The following PAK1 variants were observed in gnomAD, a reference collection of about 807,000 sequenced individuals.
PAK1 encodes the protein serine/threonine-protein kinase PAK 1.
Under a neutral mutation model 67.4 loss-of-function variants are expected in PAK1, and 29 were observed. That is an observed-to-expected ratio of 0.43 (90% CI 0.32 to 0.59). The LOEUF (loss-of-function observed/expected upper bound fraction) is 0.59, where lower values mean the gene tolerates loss of function less well. PAK1 is among the 20% of genes least tolerant of loss of function. The probability of loss-of-function intolerance (pLI) is 0.07; values close to 1 mark genes in which losing one functional copy is unlikely to be tolerated. For missense variants in PAK1, 337 were observed against 670.7 expected (o/e 0.50, Z 5.50); for synonymous variants, 223 against 237.4 (o/e 0.94, Z 0.56).
At chr11:77,397,521 G>A (rs1042579971) in intron 1 of PAK1, among the ~76,000 whole-genome samples, 1 of 152,170 alleles carries the variant, frequency 6.6e-6, no homozygotes, top group African/African-American at 2.4e-5. Flanking sequence ...GAGGGGAAGT[G>A]ATTTGTGCCT....
chr11:77,467,009 C>A (rs987219416), intron 1 of PAK1, among the ~76,000 whole-genome samples: 1 of 152,144 alleles, frequency 6.6e-6, no homozygotes, highest in Non-Finnish European at 1.5e-5. Context: ...ATCATCTGGG[C>A]CCTGCCTCCT....
At chr11:77,340,401 T>C (rs1275925022) in intron 11 of PAK1, among the ~76,000 whole-genome samples, 1 of 152,216 alleles carries the variant, frequency 6.6e-6, no homozygotes, top group African/African-American at 2.4e-5. Flanking sequence ...AGTGACTTTT[T>C]ACAATATATA....
intron 5 of PAK1, among the ~76,000 whole-genome samples, chr11:77,363,855 T>G (rs1028401907): frequency 1.3e-5 from 2 of 152,188 alleles, no homozygotes; most frequent in African/African-American, 4.8e-5. Flanking sequence ...CTCCTGAACT[T>G]TGGGTTAAAA....
chr11:77,394,132 C>T (rs185996678), intron 1 of PAK1, among the ~76,000 whole-genome samples: 1 of 152,162 alleles, frequency 6.6e-6, no homozygotes, highest in East Asian at 1.9e-4. Context: ...AAATATTGCT[C>T]ATTAGTCTTC....
At chr11:77,501,927 A>T in the PAK1 span, among the ~76,000 whole-genome samples, 1 of 134,384 alleles carries the variant, frequency 7.4e-6, no homozygotes, top group Non-Finnish European at 1.7e-5. Flanking sequence ...CTTCCTTTTC[A>T]GAAGCAATAA....
chr11:77,365,561 G>A (rs565400680), intron 5 of PAK1, among the ~76,000 whole-genome samples: 23 of 152,178 alleles, frequency 1.5e-4, no homozygotes, highest in African/African-American at 5.3e-4. Context: ...GGCTGGGAGC[G>A]GTGGCTCATG....
rs1250600874 is a variant in PAK1 at position 77,417,825 on chromosome 11, C to A, written c.-21-25284G>T. ...TCCTGGCTCACTGCAACCTCCACCT[C>A]CCCGGTTCAAGCAATCCTCGTGCCT... On this transcript the variant is annotated intron_variant, in intron 1 of 14. Coordinates refer to ENST00000356341, the MANE Select transcript of PAK1 (RefSeq NM_002576.5). Among the ~76,000 whole-genome samples the A allele has an allele frequency of 3.3e-5, 5 of 151,904 alleles. No individual in the cohort carries two copies. The East Asian group carries it at 5.8e-4, about 18-fold the overall frequency.
chr11:77,336,310 A>C (rs1942675402), intron 12 of PAK1, 28 bp from the exon 13 acceptor site: 1 of 1,560,334 alleles, frequency 6.4e-7, no homozygotes, highest in African/African-American at 1.4e-5. Flanking sequence ...GAGAAAGAAC[A>C]TACATTTAGG....
chr11:77,327,396 T>A (rs370448100), intron 14 of PAK1, among the ~76,000 whole-genome samples: 1,893 of 152,338 alleles, frequency 0.012, 10 homozygotes, highest in Middle Eastern at 0.017. Context: ...AAGGTCGGGT[T>A]ACCCACAAAG....
At chr11:77,368,862 G>T (rs1322167051) in intron 5 of PAK1, among the ~76,000 whole-genome samples, 1 of 151,956 alleles carries the variant, frequency 6.6e-6, no homozygotes, top group African/African-American at 2.4e-5. Context: ...GCGCCTGGCC[G>T]GTAAAAATAC....
chr11:77,499,612 G>A, the PAK1 span, among the ~76,000 whole-genome samples: 2 of 152,082 alleles, frequency 1.3e-5, no homozygotes, highest in Non-Finnish European at 2.9e-5. Context: ...AACTTTAGAG[G>A]AAGTAGGTAC....
chr11:77,434,494 T>C (rs996352405), intron 1 of PAK1, among the ~76,000 whole-genome samples: 16 of 152,040 alleles, frequency 1.1e-4, no homozygotes, highest in African/African-American at 3.4e-4. Context: ...ACCCCCAGGC[T>C]GGAGAGCAGT....
At chr11:77,378,283 T>C (rs970638783) in intron 4 of PAK1, among the ~76,000 whole-genome samples, 2 of 152,154 alleles carry the variant, frequency 1.3e-5, no homozygotes, top group African/African-American at 2.4e-5. Flanking sequence ...TAGGGGCAAG[T>C]AGTAAATTCA....
At chr11:77,438,219 G>A (rs1471652496) in intron 1 of PAK1, among the ~76,000 whole-genome samples, 1 of 152,098 alleles carries the variant, frequency 6.6e-6, no homozygotes, top group Non-Finnish European at 1.5e-5. Flanking sequence ...CAGAGCAGGA[G>A]CAAGAGAGAG....
chr11:77,451,030 GA>G (rs1205795059), intron 1 of PAK1, among the ~76,000 whole-genome samples: 1 of 152,182 alleles, frequency 6.6e-6, no homozygotes, highest in Non-Finnish European at 1.5e-5. Flanking sequence ...CACAGAACAA[GA>G]AGTTCTGATG....
chr11:77,335,936 TG>T (rs1232325356), intron 13 of PAK1, 149 bp downstream of exon 13: 2 of 471,728 alleles, frequency 4.2e-6, no homozygotes, highest in African/African-American at 3.8e-5. Context: ...TCCTTTTCTT[TG>T]GCCATTTATA....
At chr11:77,351,866 T>C (rs1187208470) in intron 8 of PAK1, among the ~76,000 whole-genome samples, 1 of 145,880 alleles carries the variant, frequency 6.9e-6, no homozygotes, top group African/African-American at 2.6e-5. Context: ...TTTTGGTGGG[T>C]CTTTAGAAAT....
At chr11:77,505,518 C>T in the PAK1 span, among the ~76,000 whole-genome samples, 1 of 152,188 alleles carries the variant, frequency 6.6e-6, no homozygotes, top group South Asian at 2.1e-4. Flanking sequence ...TGGCTTTTCT[C>T]ATCTTCCCAA....
intron 1 of PAK1, among the ~76,000 whole-genome samples, chr11:77,425,017 G>A (rs555480779): frequency 1.6e-4 from 24 of 152,064 alleles, no homozygotes; most frequent in Non-Finnish European, 2.2e-4. Context: ...TGGCTCAGCC[G>A]CCCAATTTCT....
Sources: gnomAD v4.1 joint callset for allele counts (sites outside exome capture counted in the v4.1 genomes callset) on GRCh38, gnomAD v4.1.1 for gene constraint, MANE v1.5 for transcripts, NCBI Gene and HGNC (gene_info 2026-07-23, HGNC 2026-07-21) for gene names.